Variants in NEURL1 observed in about 807,000 individuals in gnomAD.
NEURL1 encodes neuralized E3 ubiquitin protein ligase 1.
In NEURL1, 26 loss-of-function variants were observed where a neutral mutation model predicts 41.2. The observed-to-expected ratio is 0.63, with a 90% CI of 0.46 to 0.87. The LOEUF (loss-of-function observed/expected upper bound fraction) is 0.87, where lower values mean the gene tolerates loss of function less well. NEURL1 is among the 40% of genes least tolerant of loss of function. The pLI is 0.00. For missense variants in NEURL1, 761 were observed against 871.1 expected (o/e 0.87, Z 1.59); for synonymous variants, 400 against 402.3 (o/e 0.99, Z 0.07).
chr10:103,494,570 G>A (rs2033636762), intron 1 of NEURL1, 98 bp downstream of exon 1: 1 of 1,076,522 alleles, frequency 9.3e-7, no homozygotes. Flanking sequence ...CCTGTTGTGC[G>A]TGTCTGGAGG....
Position 103,591,377 on chromosome 10 carries a change from C to T in NEURL1, c.*1005C>T, listed in dbSNP as rs199529028. 1 of 152,560 alleles carries T rather than the reference C, an allele frequency of 6.6e-6. No homozygotes were observed. The highest frequency in any genetic ancestry group is 1.9e-4 in the East Asian group (1 of 5,194). The allele number at this position is 152,560 out of a possible 1,614,324, so 9.5% of individuals were successfully genotyped here. On this transcript the variant is annotated 3_prime_UTR_variant, in exon 6 of 6. Coordinates refer to ENST00000369780, the MANE Select transcript of NEURL1 (RefSeq NM_004210.5). Reference sequence around the variant, plus strand: ...GTGGGTTCCCTGGGCCAAGACCAGCCTTTTTCCTCAGTTTAATTAATTTAT... The same window carrying T: ...GTGGGTTCCCTGGGCCAAGACCAGCTTTTTTCCTCAGTTTAATTAATTTAT...
intron 1 of NEURL1, among the ~76,000 whole-genome samples, chr10:103,514,869 C>G (rs1324623247): frequency 1.2e-5 from 1 of 82,648 alleles, no homozygotes; most frequent in Non-Finnish European, 3.1e-5. Flanking sequence ...TTGGGGCTCT[C>G]TCTGGACAGC....
intron 1 of NEURL1, among the ~76,000 whole-genome samples, chr10:103,523,843 T>C (rs539152232): frequency 3.3e-5 from 5 of 152,234 alleles, no homozygotes; most frequent in Admixed American, 2.0e-4. Context: ...TCCATTTACT[T>C]GTTGATCGAC....
At chr10:103,546,207 C>G (rs377724442) in intron 1 of NEURL1, among the ~76,000 whole-genome samples, 1 of 152,170 alleles carries the variant, frequency 6.6e-6, no homozygotes, top group African/African-American at 2.4e-5. Context: ...CTGGGTCCCT[C>G]TGATTGATGC....
chr10:103,512,454 A>T (rs897061629), intron 1 of NEURL1, among the ~76,000 whole-genome samples: 4 of 152,182 alleles, frequency 2.6e-5, no homozygotes, highest in Non-Finnish European at 4.4e-5. Flanking sequence ...CAGATAGGTG[A>T]CCTTGGGCAG....
intron 1 of NEURL1, among the ~76,000 whole-genome samples, chr10:103,542,495 T>A (rs918780944): frequency 6.6e-6 from 1 of 152,164 alleles, no homozygotes; most frequent in Non-Finnish European, 1.5e-5. Flanking sequence ...ACTCCTGGGC[T>A]CTAGTGATCC....
chr10:103,586,683 C>A (rs1458020534), intron 4 of NEURL1, among the ~76,000 whole-genome samples: 1 of 152,118 alleles, frequency 6.6e-6, no homozygotes, highest in Non-Finnish European at 1.5e-5. Flanking sequence ...CATGAGAAAT[C>A]ATATAAAAAA....
chr10:103,577,811 T>A (rs2133881081), intron 3 of NEURL1: 1 of 152,312 alleles, frequency 6.6e-6, no homozygotes, highest in Admixed American at 6.5e-5. Flanking sequence ...GCCTTATAGT[T>A]CCCCGGAGGC....
intron 3 of NEURL1, among the ~76,000 whole-genome samples, chr10:103,576,985 G>A (rs555801214): frequency 6.6e-6 from 1 of 152,232 alleles, no homozygotes; most frequent in South Asian, 2.1e-4. Flanking sequence ...GGACCACACT[G>A]CCATCTGGGC....
intron 1 of NEURL1, among the ~76,000 whole-genome samples, chr10:103,516,233 A>T (rs2133852383): frequency 6.6e-6 from 1 of 150,938 alleles, no homozygotes; most frequent in Non-Finnish European, 1.5e-5. Flanking sequence ...ATCTCAAAAA[A>T]AAAAAAAAAA....
chr10:103,590,497 T>G lies in NEURL1; in HGVS notation c.*125T>G. 2.8e-6 allele frequency: 2 copies of G among 716,128 alleles called. No individual in the cohort carries two copies. The highest frequency in any genetic ancestry group is 1.8e-5 in the South Asian group (1 of 55,500). The allele number at this position is 716,128 out of a possible 1,614,324, so 44.4% of individuals were successfully genotyped here. ...GAAACTTTTCCTCCTCTATTAAACA[T>G]GGGAAACTGAAGCCCTTGAAGGTTT... On this transcript the variant is annotated 3_prime_UTR_variant, in exon 6 of 6. Coordinates refer to ENST00000369780, the MANE Select transcript of NEURL1 (RefSeq NM_004210.5).
At chr10:103,559,667 T>C (rs1431619924) in intron 1 of NEURL1, among the ~76,000 whole-genome samples, 2 of 151,976 alleles carry the variant, frequency 1.3e-5, no homozygotes, top group African/African-American at 2.4e-5. Flanking sequence ...CTTCTGTAAA[T>C]TGGGAAGGGT....
chr10:103,497,163 C>T (rs1020091433), intron 1 of NEURL1, among the ~76,000 whole-genome samples: 2 of 152,326 alleles, frequency 1.3e-5, no homozygotes, highest in East Asian at 3.9e-4. Context: ...AGAGCCATCA[C>T]CTTTATTCTG....
At chr10:103,523,323 G>A (rs576676320) in intron 1 of NEURL1, among the ~76,000 whole-genome samples, 1 of 152,110 alleles carries the variant, frequency 6.6e-6, no homozygotes, top group South Asian at 2.1e-4. Context: ...AGGAAGGTTG[G>A]CACATGCCTG....
chr10:103,518,180 G>A (rs1313138657), intron 1 of NEURL1, among the ~76,000 whole-genome samples: 2 of 152,010 alleles, frequency 1.3e-5, no homozygotes, highest in Admixed American at 6.6e-5. Context: ...AAATGATGAC[G>A]TCTATTCACA....
chr10:103,589,777 G>A, intron 5 of NEURL1, 117 bp downstream of exon 5: 1 of 1,381,102 alleles, frequency 7.2e-7, no homozygotes. Context: ...GTAAACCCTT[G>A]TTGGGGGGTG....
chr10:103,518,994 C>T (rs2034281712), intron 1 of NEURL1, among the ~76,000 whole-genome samples: 1 of 152,200 alleles, frequency 6.6e-6, no homozygotes, highest in South Asian at 2.1e-4. Flanking sequence ...CCTATAATCC[C>T]AGCACTTTGG....
chr10:103,560,071 A>G (rs561088042), intron 1 of NEURL1, among the ~76,000 whole-genome samples: 3 of 152,186 alleles, frequency 2.0e-5, no homozygotes, highest in African/African-American at 7.2e-5. Context: ...ACGCATGCAC[A>G]CACACATACA....
intron 1 of NEURL1, among the ~76,000 whole-genome samples, chr10:103,496,966 G>A (rs551944694): frequency 6.6e-6 from 1 of 152,208 alleles, no homozygotes; most frequent in South Asian, 2.1e-4. Flanking sequence ...GCAGGAGTGG[G>A]GGCCCCATCC....
Sources: allele counts gnomAD v4.1 joint callset (sites outside exome capture counted in the v4.1 genomes callset), GRCh38; gene constraint gnomAD v4.1.1; transcripts MANE v1.5; gene names NCBI Gene and HGNC (gene_info 2026-07-23, HGNC 2026-07-21).